ZMIZ1: variants seen among roughly 807,000 people sequenced by gnomAD.
The protein encoded by ZMIZ1 is zinc finger MIZ-type containing 1, also known as zinc finger MIZ domain-containing protein 1.
A neutral mutation model predicts 113.9 loss-of-function variants in ZMIZ1; 17 were observed. The observed-to-expected ratio is 0.15, with a 90% CI of 0.10 to 0.22. ZMIZ1 has a LOEUF of 0.22. Among genes scored for constraint, ZMIZ1 ranks in the 10% least tolerant of loss-of-function variants. ZMIZ1 has a pLI of 1.00. For synonymous variants in ZMIZ1, 607 were observed against 603.1 expected (o/e 1.01, Z -0.09); for missense variants, 1,059 against 1,477.8 (o/e 0.72, Z 4.65).
intron 4 of ZMIZ1, among the ~76,000 whole-genome samples, chr10:79,176,430 G>A (rs890195652): frequency 6.6e-6 from 1 of 152,026 alleles, no homozygotes; most frequent in Non-Finnish European, 1.5e-5. Flanking sequence ...TTAGAGCTCC[G>A]AGGTCTTCCT....
At chr10:79,312,618 A>G in intron 24 of ZMIZ1, 24 bp from the exon 25 acceptor site, 2 of 1,611,502 alleles carry the variant, frequency 1.2e-6, no homozygotes, top group South Asian at 2.2e-5. Flanking sequence ...CCTCATCTGA[A>G]CTTCATTACT....
intron 7 of ZMIZ1, among the ~76,000 whole-genome samples, chr10:79,259,740 C>T (rs1031142509): frequency 1.3e-5 from 2 of 152,022 alleles, no homozygotes; most frequent in Non-Finnish European, 2.9e-5. Flanking sequence ...CTCAGCCTCC[C>T]CAGTAGCTGG....
chr10:79,185,470 A>G (rs1049756691), intron 4 of ZMIZ1, among the ~76,000 whole-genome samples: 4 of 151,022 alleles, frequency 2.6e-5, no homozygotes, highest in African/African-American at 7.3e-5. Flanking sequence ...CTTCTCTCCA[A>G]TTGTTGACTG....
chr10:79,292,836 G>A lies in ZMIZ1; in HGVS notation c.957+480G>A, dbSNP rs536542663. ...GATGGGTTAGGGGATGAGGAGAGGG[G>A]AGCCCCCATAGGAATGCAGAACAGG... On this transcript the variant is annotated intron_variant, in intron 11 of 24. Transcript: ENST00000334512. 5.2e-5 allele frequency: 24 copies of A among 463,034 alleles called. No homozygotes were observed. The East Asian group carries it at 1.5e-3, about 29-fold the overall frequency. The allele number at this position is 463,034 out of a possible 1,614,324, so 28.7% of individuals were successfully genotyped here.
intron 1 of ZMIZ1, among the ~76,000 whole-genome samples, chr10:79,098,590 C>CA (rs1485962091): frequency 1.3e-5 from 2 of 152,202 alleles, no homozygotes; most frequent in African/African-American, 4.8e-5. Flanking sequence ...ATAATGAGCT[C>CA]AGTGAACCCA....
At chr10:79,172,980 G>A (rs2132537411) in intron 4 of ZMIZ1, among the ~76,000 whole-genome samples, 1 of 152,300 alleles carries the variant, frequency 6.6e-6, no homozygotes, top group South Asian at 2.1e-4. Context: ...GCCAGGAGAG[G>A]AGGCAGTGAG....
Position 79,069,069 on chromosome 10 carries a change from G to A in ZMIZ1, c.-538G>A. Reference sequence around the variant, plus strand: ...GGGAGAGCGGGCGGCCGGGCGGCAGGCGGGCGAGCAGCGATCGGGCGGCCG... The same window carrying A: ...GGGAGAGCGGGCGGCCGGGCGGCAGACGGGCGAGCAGCGATCGGGCGGCCG... On this transcript the variant is annotated 5_prime_UTR_variant, in exon 1 of 25. Transcript: ENST00000334512. The surrounding 1 kb of genome is among the most constrained non-coding windows in gnomAD (Gnocchi z 4.6). The A allele has an allele frequency of 6.6e-6, 1 of 151,350 alleles. No individual in the cohort carries two copies. The highest frequency in any genetic ancestry group is 1.5e-5 in the Non-Finnish European group (1 of 67,754). The allele number at this position is 151,350 out of a possible 1,614,324, so 9.4% of individuals were successfully genotyped here.
chr10:79,149,174 G>T (rs375893551), intron 3 of ZMIZ1, among the ~76,000 whole-genome samples: 5 of 152,194 alleles, frequency 3.3e-5, no homozygotes, highest in Admixed American at 6.5e-5. Context: ...CCTGTCCCTG[G>T]GGTAATCTCG....
chr10:79,188,545 C>T lies in ZMIZ1; in HGVS notation c.-49-13039C>T, dbSNP rs773560596. On this transcript the variant is annotated intron_variant, in intron 4 of 24. Coordinates refer to ENST00000334512, the MANE Select transcript of ZMIZ1 (RefSeq NM_020338.4). ...TTCCGATCTTTCTGTGGCTTCTCTT[C>T]GCACAGACGTCTTTGTTTCTGGTCA... Among the ~76,000 whole-genome samples the T allele has an allele frequency of 5.9e-4, 90 of 152,168 alleles. 1 individual carries two copies. The highest frequency in any genetic ancestry group is 2.5e-4 in the Non-Finnish European group (17 of 68,012).
chr10:79,158,729 TG>T lies in ZMIZ1; in HGVS notation c.-130-3322del, dbSNP rs1285042444. On this transcript the variant is annotated intron_variant, in intron 3 of 24. Coordinates refer to ENST00000334512, the MANE Select transcript of ZMIZ1 (RefSeq NM_020338.4). ...ACACCCAGGTCCTCCCAGGGATCCC[TG>T]GAGGTGGGGCTGGGAAGGTAGATAT... 2.0e-5 allele frequency among the ~76,000 whole-genome samples: 3 copies of T among 152,312 alleles called. No homozygotes were observed. In the East Asian group the frequency reaches 5.8e-4, roughly 29 times the overall value.
intron 7 of ZMIZ1, among the ~76,000 whole-genome samples, chr10:79,233,872 A>G (rs1849490112): frequency 6.6e-6 from 1 of 151,974 alleles, no homozygotes; most frequent in Non-Finnish European, 1.5e-5. Context: ...GCTGCCCAAC[A>G]CTTTGATCGG....
intron 7 of ZMIZ1, among the ~76,000 whole-genome samples, chr10:79,258,312 A>C (rs1419252127): frequency 6.6e-6 from 1 of 152,198 alleles, no homozygotes; most frequent in Admixed American, 6.5e-5. Context: ...TGAGCCCAGG[A>C]GGTCGAGGCT....
chr10:79,252,575 A>G (rs889156824), intron 7 of ZMIZ1, among the ~76,000 whole-genome samples: 4 of 152,068 alleles, frequency 2.6e-5, no homozygotes, highest in African/African-American at 7.2e-5. Flanking sequence ...CCTTGCTTTC[A>G]CCCTACCCAA....
intron 10 of ZMIZ1, among the ~76,000 whole-genome samples, chr10:79,291,727 A>T (rs1319874079): frequency 6.6e-6 from 1 of 152,214 alleles, no homozygotes; most frequent in East Asian, 1.9e-4. Flanking sequence ...GCCCTGCCTA[A>T]GACCCCCACC....
chr10:79,070,193 C>T (rs1842216308), intron 1 of ZMIZ1, among the ~76,000 whole-genome samples: 1 of 152,010 alleles, frequency 6.6e-6, no homozygotes, highest in Non-Finnish European at 1.5e-5. Flanking sequence ...TTCCTGGCGT[C>T]TGGGCTGGGG....
At chr10:79,233,245 GAGGCAGGGAAC>G (rs1338872332) in intron 7 of ZMIZ1, among the ~76,000 whole-genome samples, 1 of 152,238 alleles carries the variant, frequency 6.6e-6, no homozygotes, top group African/African-American at 2.4e-5. Context: ...TGGGGAGACT[GAGGCAGGGAAC>G]AGGCAGCATT....
intron 2 of ZMIZ1, among the ~76,000 whole-genome samples, chr10:79,126,924 G>C (rs1334641307): frequency 6.6e-6 from 1 of 152,186 alleles, no homozygotes; most frequent in African/African-American, 2.4e-5. Flanking sequence ...CAGTGGAGGA[G>C]AGCTGACCTA....
Position 79,311,297 on chromosome 10 carries a change from G to A in ZMIZ1, c.3096+113G>A, listed in dbSNP as rs1236680586. 2.3e-6 allele frequency: 3 copies of A among 1,321,554 alleles called. No homozygotes were observed. In the African/African-American group the frequency reaches 4.5e-5, roughly 20 times the overall value. 81.9% of individuals were successfully genotyped at this position (1,321,554 alleles called of 1,614,324 possible). A position where few individuals can be genotyped will look rare whatever the true frequency, so the allele number is the denominator to read the frequency against. Reference sequence around the variant, plus strand: ...GGCCCCGAAGGGAGGAGGTGGGTGGGCGGTGGGAGGGCTTCACCCAGACCT... The same window carrying A: ...GGCCCCGAAGGGAGGAGGTGGGTGGACGGTGGGAGGGCTTCACCCAGACCT... On this transcript the variant is annotated intron_variant, in intron 24 of 24. Coordinates refer to ENST00000334512, the MANE Select transcript of ZMIZ1 (RefSeq NM_020338.4).
intron 4 of ZMIZ1, among the ~76,000 whole-genome samples, chr10:79,169,973 C>T (rs1846532789): frequency 6.6e-6 from 1 of 152,242 alleles, no homozygotes; most frequent in Non-Finnish European, 1.5e-5. Context: ...CCCAGGTCTT[C>T]TCTTGAGCTT....
Sources: gnomAD v4.1 joint callset for allele counts (sites outside exome capture counted in the v4.1 genomes callset) on GRCh38, gnomAD v4.1.1 for gene constraint, Gnocchi (gnomAD v3.1) non-coding constraint, MANE v1.5 for transcripts, NCBI Gene and HGNC (gene_info 2026-07-23, HGNC 2026-07-21) for gene names.